Variants in UNC79 observed in about 807,000 individuals in gnomAD.
UNC79 encodes the protein protein unc-79 homolog.
A neutral mutation model predicts 283.1 loss-of-function variants in UNC79; 37 were observed. The ratio of observed to expected loss-of-function variants is 0.13; its 90% CI spans 0.10 to 0.17. UNC79 has a LOEUF of 0.17. Ranked by LOEUF, UNC79 falls within the 10% of genes least tolerant of loss-of-function variation. The pLI, the probability that UNC79 is intolerant of heterozygous loss-of-function variation, is 1.00. For synonymous variants in UNC79, 1,107 were observed against 1,200.2 expected (o/e 0.92, Z 1.61); for missense variants, 2,272 against 3,211.1 (o/e 0.71, Z 7.07).
intron 14 of UNC79, among the ~76,000 whole-genome samples, chr14:93,566,784 C>T (rs1472673030): frequency 6.6e-6 from 1 of 151,662 alleles, no homozygotes; most frequent in African/African-American, 2.4e-5. Flanking sequence ...ACTACAGGCA[C>T]ACACCACCAT....
chr14:93,600,012 A>G (rs976316802), intron 24 of UNC79, among the ~76,000 whole-genome samples: 1 of 152,140 alleles, frequency 6.6e-6, no homozygotes, highest in African/African-American at 2.4e-5. Context: ...CCATCCGGCT[A>G]ACACAGTGAA....
chr14:93,645,309 A>G (rs2069477419), intron 34 of UNC79, among the ~76,000 whole-genome samples: 1 of 152,212 alleles, frequency 6.6e-6, no homozygotes, highest in Admixed American at 6.5e-5. Context: ...AAGCAAGGGA[A>G]AACCAGTAGC....
exon 16 of UNC79, chr14:93,572,782 C>G (rs992678203): frequency 1.2e-6 from 2 of 1,614,132 alleles, no homozygotes; most frequent in Non-Finnish European, 1.7e-6. Context: ...GGATACCCCT[C>G]CTCTGTGCAG....
At chr14:93,637,434 C>CA in intron 32 of UNC79, 135 bp downstream of exon 35, 1 of 1,447,808 alleles carries the variant, frequency 6.9e-7, no homozygotes. Flanking sequence ...CAAACACCCC[C>CA]AGTGGCTGAG....
In UNC79 at chr14:93,706,697, T is replaced by C. The variant is rs372127251; in HGVS notation, c.7591-7T>C. On this transcript the variant is annotated splice_region_variant and splice_polypyrimidine_tract_variant and intron_variant, in intron 48 of 48. Transcript: ENST00000555664. ...ATAAACTAAAACCTCTTGCCCTTTT[T>C]CGACAGCACTTATCTGCGGGACTCC... The C allele has an allele frequency of 2.8e-5, 46 of 1,614,038 alleles. No individual in the cohort carries two copies. Among genetic ancestry groups the C allele is most frequent in the Non-Finnish European group, 3.8e-5 (45 of 1,179,930 alleles).
intron 18 of UNC79, 74 bp downstream of exon 18, chr14:93,578,137 T>G: frequency 7.2e-7 from 1 of 1,384,584 alleles, no homozygotes; most frequent in Non-Finnish European, 9.9e-7. Context: ...ATTCTTTCCA[T>G]GTGTTGGGCA....
At chr14:93,602,287 G>T (rs1315854318) in intron 25 of UNC79, among the ~76,000 whole-genome samples, 2 of 152,078 alleles carry the variant, frequency 1.3e-5, no homozygotes, top group African/African-American at 4.8e-5. Flanking sequence ...TATAAGGTGA[G>T]ATACGAGTAT....
intron 27 of UNC79, among the ~76,000 whole-genome samples, chr14:93,614,314 TA>T (rs2066526867): frequency 6.6e-6 from 1 of 150,622 alleles, no homozygotes; most frequent in African/African-American, 2.4e-5. Flanking sequence ...TTTATTTATT[TA>T]TTTATTTATT....
At chr14:93,593,255 A>G (rs2064823972) in intron 22 of UNC79, among the ~76,000 whole-genome samples, 1 of 152,178 alleles carries the variant, frequency 6.6e-6, no homozygotes, top group African/African-American at 2.4e-5. Context: ...GCTGTTATTA[A>G]GAGAAAAAGA....
chr14:93,461,132 A>G (rs1210281264), intron 1 of UNC79, among the ~76,000 whole-genome samples: 1 of 152,206 alleles, frequency 6.6e-6, no homozygotes, highest in Non-Finnish European at 1.5e-5. Context: ...ACATGCCAAA[A>G]TGTTAACTAC....
chr14:93,583,751 A>C (rs1219815350), intron 20 of UNC79, among the ~76,000 whole-genome samples: 46 of 149,890 alleles, frequency 3.1e-4, no homozygotes, highest in Admixed American at 3.0e-3. Flanking sequence ...CAGGCTCCCC[A>C]CCTTGCTTCT....
At chr14:93,368,459 T>A (rs2054377058) in intron 1 of UNC79, among the ~76,000 whole-genome samples, 1 of 151,900 alleles carries the variant, frequency 6.6e-6, no homozygotes, top group Non-Finnish European at 1.5e-5. Flanking sequence ...AAAATGAAAA[T>A]GTAGAGAAAA....
At chr14:93,496,510 T>C in intron 6 of UNC79, 44 bp downstream of exon 6, 1 of 1,352,356 alleles carries the variant, frequency 7.4e-7, no homozygotes, top group African/African-American at 1.5e-5. Flanking sequence ...AAACTTAATT[T>C]GTATAATACA....
At chr14:93,497,326 C>G in intron 7 of UNC79, 40 bp downstream of exon 7, 1 of 1,596,330 alleles carries the variant, frequency 6.3e-7, no homozygotes, top group Non-Finnish European at 8.5e-7. Context: ...ATCTGTATTT[C>G]TCCTGTGCCA....
At chr14:93,689,088 A>C in intron 44 of UNC79, 1 of 463,994 alleles carries the variant, frequency 2.2e-6, no homozygotes, top group Admixed American at 3.8e-5. Context: ...GAAGAATGAA[A>C]ATTTTGAGCT....
chr14:93,617,453 C>A lies in UNC79; in HGVS notation c.4224+149C>A. 2.5e-6 allele frequency: 2 copies of A among 791,108 alleles called. No individual in the cohort carries two copies. The highest frequency in any genetic ancestry group is 3.8e-6 in the Non-Finnish European group (2 of 526,106). The allele number at this position is 791,108 out of a possible 1,614,324, so 49.0% of individuals were successfully genotyped here. On this transcript the variant is annotated intron_variant, in intron 28 of 48. Transcript: ENST00000555664. This position sits in a 1 kb window ranked among gnomAD's most constrained non-coding sequence, Gnocchi z 4.5. Reference sequence around the variant, plus strand: ...AGGATATGCAATTACTGTTAAGAACCAAAGAGCTATTGAAATGAAAATAGA... The same window carrying A: ...AGGATATGCAATTACTGTTAAGAACAAAAGAGCTATTGAAATGAAAATAGA...
chr14:93,438,487 T>C (rs2056175441), intron 1 of UNC79, among the ~76,000 whole-genome samples: 1 of 152,160 alleles, frequency 6.6e-6, no homozygotes, highest in African/African-American at 2.4e-5. Context: ...TGAAATGAAC[T>C]TGGGATGACT....
intron 20 of UNC79, among the ~76,000 whole-genome samples, chr14:93,584,191 A>T (rs555443496): frequency 9.8e-5 from 15 of 152,334 alleles, no homozygotes; most frequent in African/African-American, 2.4e-4. Flanking sequence ...TAGCCTTTGT[A>T]CTTGGCAGAT....
At chr14:93,637,158 G>A in intron 31 of UNC79, 58 bp from the exon 35 acceptor site, 2 of 881,470 alleles carry the variant, frequency 2.3e-6, no homozygotes, top group Non-Finnish European at 3.9e-6. Context: ...AATTCTTTGT[G>A]TTCTAAATGG....
Sources: gnomAD v4.1 joint callset for allele counts (sites outside exome capture counted in the v4.1 genomes callset) on GRCh38, gnomAD v4.1.1 for gene constraint, Gnocchi (gnomAD v3.1) non-coding constraint, MANE v1.5 for transcripts, NCBI Gene and HGNC (gene_info 2026-07-23, HGNC 2026-07-21) for gene names.